RNASEH2B: variants seen among roughly 807,000 people sequenced by gnomAD.
The protein encoded by RNASEH2B is Aicardi-Goutieres syndrome 2 protein.
Under a neutral mutation model 45.0 loss-of-function variants are expected in RNASEH2B, and 36 were observed. The ratio of observed to expected loss-of-function variants is 0.80; its 90% CI spans 0.61 to 1.06. The LOEUF is 1.06. Among genes scored for constraint, RNASEH2B ranks in the 50% least tolerant of loss-of-function variants. RNASEH2B has a pLI of 0.00. For missense variants in RNASEH2B, 361 were observed against 360.3 expected, an observed-to-expected ratio of 1.00 and a Z score of -0.02; for synonymous variants, 119 against 125.7, an observed-to-expected ratio of 0.95 and a Z score of 0.35.
chr13:50,962,912 C>T (rs7329171), intron 9 of RNASEH2B, among the ~76,000 whole-genome samples: 58,591 of 151,646 alleles, frequency 0.39, 12,941 homozygotes, highest in African/African-American at 0.6. Context: ...CTTTAAATAC[C>T]TTTTTCCATT....
At chr13:50,945,653 C>T (rs1566087310) in intron 7 of RNASEH2B, 121 bp downstream of exon 7, 2 of 711,776 alleles carry the variant, frequency 2.8e-6, no homozygotes, top group East Asian at 2.7e-5. Context: ...ACCAATGCCT[C>T]ATACACATTG....
At chr13:50,968,117 GTATT>G (rs1952183342) in intron 9 of RNASEH2B, among the ~76,000 whole-genome samples, 1 of 152,106 alleles carries the variant, frequency 6.6e-6, no homozygotes, top group Admixed American at 6.6e-5. Flanking sequence ...TCACTTATCA[GTATT>G]TAAATTGACC....
At chr13:50,933,532 A>G (rs945507721) in intron 4 of RNASEH2B, among the ~76,000 whole-genome samples, 5 of 152,244 alleles carry the variant, frequency 3.3e-5, no homozygotes, top group African/African-American at 1.2e-4. Context: ...AATTATTGAT[A>G]CACACTTTTG....
chr13:50,910,305 C>A, intron 1 of RNASEH2B, 165 bp downstream of exon 1: 1 of 463,706 alleles, frequency 2.2e-6, no homozygotes, highest in Non-Finnish European at 3.6e-6. Context: ...CACGTCATAG[C>A]AAGCCGCGGT....
intron 1 of RNASEH2B, among the ~76,000 whole-genome samples, chr13:50,924,299 C>G (rs531907366): frequency 6.6e-6 from 1 of 152,230 alleles, no homozygotes; most frequent in East Asian, 1.9e-4. Context: ...CACTTACACA[C>G]ACTTTAAATT....
At chr13:50,927,265 G>A (rs1315379224) in intron 1 of RNASEH2B, 142 bp from the exon 2 acceptor site, 1 of 614,598 alleles carries the variant, frequency 1.6e-6, no homozygotes, top group African/African-American at 1.9e-5. Flanking sequence ...ATTTGCTCAA[G>A]ATCACAACAT....
intron 9 of RNASEH2B, chr13:50,952,384 G>A (rs1951986816): frequency 6.6e-6 from 1 of 152,026 alleles, no homozygotes; most frequent in Non-Finnish European, 1.5e-5. Context: ...ACCCTTTGCT[G>A]TCTTAATTTA....
intron 1 of RNASEH2B, among the ~76,000 whole-genome samples, chr13:50,915,773 G>T (rs148163669): frequency 5.9e-5 from 9 of 152,194 alleles, no homozygotes; most frequent in African/African-American, 2.2e-4. Flanking sequence ...GGGCCACCCC[G>T]TGGCAAGGGG....
intron 5 of RNASEH2B, chr13:50,942,253 C>A (rs1951841944): frequency 1.3e-5 from 2 of 152,164 alleles, no homozygotes; most frequent in South Asian, 4.1e-4. Flanking sequence ...GGTTTAATGT[C>A]ATGGTATATA....
At chr13:50,939,592 T>G (rs1593467093) in intron 5 of RNASEH2B, among the ~76,000 whole-genome samples, 2 of 151,750 alleles carry the variant, frequency 1.3e-5, no homozygotes, top group Admixed American at 6.6e-5. Flanking sequence ...ATAAATGGAA[T>G]AGAATAGAGA....
intron 1 of RNASEH2B, among the ~76,000 whole-genome samples, chr13:50,925,293 T>A (rs1593454099): frequency 6.6e-6 from 1 of 152,350 alleles, no homozygotes; most frequent in East Asian, 1.9e-4. Flanking sequence ...CTATCAATTC[T>A]ATTATCTTGT....
intron 1 of RNASEH2B, among the ~76,000 whole-genome samples, chr13:50,923,568 A>G (rs914572607): frequency 1.3e-5 from 2 of 152,194 alleles, no homozygotes; most frequent in Non-Finnish European, 2.9e-5. Flanking sequence ...AAAGAATTCT[A>G]TATCTGTTAA....
chr13:50,927,626 A>G (rs1566079152), intron 2 of RNASEH2B, 148 bp downstream of exon 2: 5 of 655,764 alleles, frequency 7.6e-6, no homozygotes, highest in East Asian at 2.8e-5. Context: ...TGATGACATT[A>G]CTAGTCTTCC....
chr13:50,954,813 A>G, intron 10 of RNASEH2B: 1 of 152,198 alleles, frequency 6.6e-6, no homozygotes, highest in Non-Finnish European at 1.5e-5. Context: ...CATTATTGCC[A>G]ATGAGTATTT....
intron 4 of RNASEH2B, among the ~76,000 whole-genome samples, chr13:50,932,027 T>C (rs1015030015): frequency 1.3e-5 from 2 of 152,006 alleles, no homozygotes; most frequent in Non-Finnish European, 2.9e-5. Context: ...GAAAGCTCTT[T>C]AGGTATTGAG....
rs1341532019 is a variant in RNASEH2B, at chr13:50,929,475, G to A, written c.137G>A (p.Gly46Glu). ...MFVKLVNPCS[G>E]EGAIYLFNMC... ...ATAAAAGACAGATTTGTCTTAACAG[G>A]AGAAGGAGCCATTTACTTGTTCAAT... Residue 46 changes from glycine (G) to glutamate (E), a missense_variant and splice_region_variant, in exon 3 of 11, where the codon GGA (glycine) becomes GAA (glutamate). Gly to Glu is a moderately conservative substitution (Grantham distance 98). Transcript: ENST00000336617. 2 of 1,606,140 alleles carry A rather than the reference G, an allele frequency of 1.2e-6. No homozygotes were observed. The highest frequency in any genetic ancestry group is 1.1e-5 in the South Asian group (1 of 90,924).
At chr13:50,965,774 G>A (rs557269506) in intron 9 of RNASEH2B, among the ~76,000 whole-genome samples, 120 of 152,212 alleles carry the variant, frequency 7.9e-4, no homozygotes, top group Non-Finnish European at 1.4e-3. Context: ...ATAAAGGGCT[G>A]TGAATTTTCT....
intron 2 of RNASEH2B, chr13:50,928,512 C>T (rs1197824190): frequency 1.3e-5 from 2 of 152,178 alleles, no homozygotes; most frequent in Admixed American, 6.5e-5. Flanking sequence ...AGTACAGGTA[C>T]AGAAGAAAGC....
intron 5 of RNASEH2B, chr13:50,942,485 A>G (rs972048573): frequency 1.3e-5 from 2 of 152,164 alleles, no homozygotes; most frequent in Admixed American, 1.3e-4. Context: ...TCCTGAATGT[A>G]TGTAGTGAAC....
Sources: gnomAD v4.1 joint callset for allele counts (sites outside exome capture counted in the v4.1 genomes callset) on GRCh38, gnomAD v4.1.1 for gene constraint, MANE v1.5 for transcripts, NCBI Gene and HGNC (gene_info 2026-07-23, HGNC 2026-07-21) for gene names.